The following PRSS23 variants were observed in gnomAD, a reference collection of about 807,000 sequenced individuals.
PRSS23 encodes the protein protease, serine 23.
Under a neutral mutation model 34.7 loss-of-function variants are expected in PRSS23, and 25 were observed. The ratio of observed to expected loss-of-function variants is 0.72; its 90% confidence interval spans 0.53 to 1.01. The LOEUF is 1.01. Ranked by LOEUF, PRSS23 falls within the 50% of genes least tolerant of loss-of-function variation. PRSS23 has a pLI of 0.00. For missense variants in PRSS23, 445 were observed against 475.6 expected (o/e 0.94, Z 0.60); for synonymous variants, 176 against 186.6 (o/e 0.94, Z 0.46).
At chr11:86,922,331 C>G (rs1055391901) in intron 2 of PRSS23, among the ~76,000 whole-genome samples, 2 of 152,064 alleles carry the variant, frequency 1.3e-5, no homozygotes, top group African/African-American at 4.8e-5. Context: ...TTTATTTCCT[C>G]CTCTTTAAAA....
chr11:86,808,321 C>T lies in PRSS23; in HGVS notation c.678C>T (p.Arg226=). 5.0e-6 allele frequency: 8 copies of T among 1,614,166 alleles called. No individual in the cohort carries two copies. Among genetic ancestry groups the T allele is most frequent in the Non-Finnish European group, 6.8e-6 (8 of 1,180,044 alleles). Reference sequence around the variant, plus strand: ...AATTTCAGTGGATCCGGGTGAAACGCACCCATGTGCCCAAGGGTTGGATCA... The same window carrying T: ...AATTTCAGTGGATCCGGGTGAAACGTACCCATGTGCCCAAGGGTTGGATCA... The part of the protein sequence containing the change: ...QMKFQWIRVK[R]THVPKGWIKG... Residue 226 remains arginine, a synonymous_variant, in exon 2 of 2, where the codon CGC becomes CGT. Coordinates refer to ENST00000280258, the MANE Select transcript of PRSS23 (RefSeq NM_007173.6).
At chr11:86,920,538 G>T (rs1949041332) in intron 2 of PRSS23, among the ~76,000 whole-genome samples, 1 of 152,168 alleles carries the variant, frequency 6.6e-6, no homozygotes, top group Non-Finnish European at 1.5e-5. Context: ...CTAGGCCTGG[G>T]AAGAATGTTT....
chr11:86,841,793 G>A (rs531290416), intron 2 of PRSS23, among the ~76,000 whole-genome samples: 1 of 152,216 alleles, frequency 6.6e-6, no homozygotes, highest in Non-Finnish European at 1.5e-5. Context: ...ATAATTAATA[G>A]TCTACCAACC....
intron 2 of PRSS23, among the ~76,000 whole-genome samples, chr11:86,924,455 A>G (rs1949067537): frequency 6.6e-6 from 1 of 152,218 alleles, no homozygotes; most frequent in Non-Finnish European, 1.5e-5. Context: ...ACCTGGGACC[A>G]AGAAGTAAGG....
At chr11:86,931,869 G>A (rs547039191) in intron 2 of PRSS23, among the ~76,000 whole-genome samples, 3 of 152,210 alleles carry the variant, frequency 2.0e-5, no homozygotes, top group South Asian at 2.1e-4. Flanking sequence ...AGGAAGATAG[G>A]AGGCAACTGT....
At chr11:86,836,124 A>G (rs1299148743) in intron 2 of PRSS23, among the ~76,000 whole-genome samples, 1 of 152,124 alleles carries the variant, frequency 6.6e-6, no homozygotes, top group Non-Finnish European at 1.5e-5. Context: ...GAGAAAGCAG[A>G]GTGTAAGGGT....
chr11:86,939,437 T>C (rs1166695575), intron 2 of PRSS23, among the ~76,000 whole-genome samples: 4 of 131,170 alleles, frequency 3.0e-5, no homozygotes, highest in South Asian at 2.7e-4. Flanking sequence ...TTTTTTAACA[T>C]GAGTAAAAAT....
At chr11:86,951,733 T>C in exon 3 of PRSS23, 2 of 1,614,140 alleles carry the variant, frequency 1.2e-6, no homozygotes, top group Non-Finnish European at 1.7e-6. Context: ...AGCTGTGCAT[T>C]TCAATGGCTT....
intron 2 of PRSS23, among the ~76,000 whole-genome samples, chr11:86,856,697 A>G (rs1948574048): frequency 1.3e-5 from 2 of 152,238 alleles, no homozygotes; most frequent in African/African-American, 2.4e-5. Context: ...GTTGGAGGAC[A>G]TGCTGCACAT....
chr11:86,807,667 C>T lies in PRSS23; in HGVS notation c.24C>T (p.Leu8=). The T allele has an allele frequency of 6.2e-7, 1 of 1,612,010 alleles. No individual in the cohort carries two copies. Among genetic ancestry groups the T allele is most frequent in the Non-Finnish European group, 8.5e-7 (1 of 1,178,668 alleles). Residue 8 remains leucine, a synonymous_variant, in exon 2 of 2, where the codon CTC becomes CTT. Transcript: ENST00000280258. ...GCATGGCAGGGATTCCAGGGCTCCT[C>T]TTCCTTCTCTTCTTTCTGCTCTGTG... MAGIPGL[L]FLLFFLLCAV... is the part of the protein sequence containing the mutation.
At chr11:86,807,144 T>C (rs77305878) in intron 1 of PRSS23, among the ~76,000 whole-genome samples, 12,170 of 152,236 alleles carry the variant, frequency 0.08, 704 homozygotes, top group Non-Finnish European at 0.12. Context: ...GTAAGCCATG[T>C]AATTTAAATT....
intron 2 of PRSS23, among the ~76,000 whole-genome samples, chr11:86,941,582 A>G (rs1480189928): frequency 6.6e-6 from 1 of 152,218 alleles, no homozygotes; most frequent in Non-Finnish European, 1.5e-5. Context: ...TGTCATCTGC[A>G]CTTTTGGACT....
intron 2 of PRSS23, among the ~76,000 whole-genome samples, chr11:86,944,257 C>T (rs1387500940): frequency 2.0e-5 from 3 of 151,448 alleles, no homozygotes; most frequent in Non-Finnish European, 4.4e-5. Flanking sequence ...GTCCAAATTT[C>T]CCAGTTTTTA....
intron 2 of PRSS23, among the ~76,000 whole-genome samples, chr11:86,862,261 A>C (rs1948621286): frequency 6.6e-6 from 1 of 151,880 alleles, no homozygotes; most frequent in Non-Finnish European, 1.5e-5. Flanking sequence ...ATTATTTGTA[A>C]TATCCTTGGG....
At chr11:86,912,787 T>C (rs1341004979) in intron 2 of PRSS23, among the ~76,000 whole-genome samples, 1 of 152,364 alleles carries the variant, frequency 6.6e-6, no homozygotes, top group East Asian at 1.9e-4. Flanking sequence ...CTATTAGCCC[T>C]TTCTCTTAAA....
At chr11:86,830,585 G>A (rs113542588) in intron 2 of PRSS23, among the ~76,000 whole-genome samples, 2,543 of 151,980 alleles carry the variant, frequency 0.017, 69 homozygotes, top group African/African-American at 0.058. Flanking sequence ...CTTCTGTGTC[G>A]CTCATGCTGG....
chr11:86,915,980 A>T (rs1048626759), intron 2 of PRSS23, among the ~76,000 whole-genome samples: 40 of 151,594 alleles, frequency 2.6e-4, no homozygotes, highest in South Asian at 2.1e-4. Context: ...GCTTGAACTC[A>T]GGAAGCAGAG....
intron 1 of PRSS23, among the ~76,000 whole-genome samples, chr11:86,801,739 C>T (rs1948041251): frequency 6.6e-6 from 1 of 152,156 alleles, no homozygotes; most frequent in Non-Finnish European, 1.5e-5. Flanking sequence ...TATAACCGTG[C>T]CTACCATGAA....
upstream of PRSS23, chr11:86,800,477 G>T (rs1366200183): frequency 1.0e-6 from 1 of 984,104 alleles, no homozygotes. Flanking sequence ...GAGGCGGGGC[G>T]GGCGGGCCTC....
Sources: gnomAD v4.1 joint callset for allele counts (sites outside exome capture counted in the v4.1 genomes callset) on GRCh38, gnomAD v4.1.1 for gene constraint, MANE v1.5 for transcripts, NCBI Gene and HGNC (gene_info 2026-07-23, HGNC 2026-07-21) for gene names.